Variants in NCKAP5L observed in about 807,000 individuals in gnomAD.
The protein encoded by NCKAP5L is nck-associated protein 5-like.
Under a neutral mutation model 103.2 loss-of-function variants are expected in NCKAP5L, and 54 were observed. That is an observed-to-expected ratio of 0.52 (90% CI 0.42 to 0.66). NCKAP5L has a LOEUF of 0.66. Ranked by LOEUF, NCKAP5L falls within the 30% of genes least tolerant of loss-of-function variation. NCKAP5L has a pLI of 0.00. For synonymous variants in NCKAP5L, 762 were observed against 748.6 expected, an observed-to-expected ratio of 1.02 and a Z score of -0.29; for missense variants, 1,733 against 1,750.6, an observed-to-expected ratio of 0.99 and a Z score of 0.18.
Position 49,794,816 on chromosome 12 carries a change from A to G in NCKAP5L, c.3044T>C (p.Leu1015Pro). 5 of 1,545,130 alleles carry G rather than the reference A, an allele frequency of 3.2e-6. No individual in the cohort carries two copies. Among genetic ancestry groups the G allele is most frequent in the Non-Finnish European group, 4.4e-6 (5 of 1,145,494 alleles). ...NTGLGQVQGQ[L>P]AGMYQGADTF... is the part of the protein sequence containing the mutation. ...GTCTGCACCTTGGTACATGCCAGCC[A>G]GCTGGCCCTGCACCTGCCCCAGCCC... The change falls in exon 8 of 13, where the codon CTG (leucine) becomes CCG (proline). Residue 1015 changes from leucine (L) to proline (P), a missense_variant. Transcript: ENST00000335999.
chr12:49,814,213 G>A (rs1443980649), intron 1 of NCKAP5L, among the ~76,000 whole-genome samples: 1 of 149,370 alleles, frequency 6.7e-6, no homozygotes, highest in Non-Finnish European at 1.5e-5. Flanking sequence ...AGCCGGGTGT[G>A]GTGGCTCAAG....
intron 2 of NCKAP5L, 124 bp downstream of exon 2, chr12:49,805,856 A>T (rs1946173281): frequency 6.6e-6 from 1 of 152,252 alleles, no homozygotes; most frequent in South Asian, 2.1e-4. Flanking sequence ...TTTGGACTAT[A>T]GGAGAGAGGT....
At chr12:49,826,208 C>T (rs914024024) in intron 1 of NCKAP5L, among the ~76,000 whole-genome samples, 1 of 151,992 alleles carries the variant, frequency 6.6e-6, no homozygotes, top group East Asian at 1.9e-4. Context: ...TATAAGAGGG[C>T]GGGTGGGTGA....
Position 49,795,393 on chromosome 12 carries a change from G to T in NCKAP5L, c.2467C>A (p.Pro823Thr). Residue 823 changes from proline to threonine, a missense_variant, in exon 8 of 13, where the codon CCA (proline) becomes ACA (threonine). Physicochemically the swap from Pro to Thr is conservative, Grantham distance 38. Transcript: ENST00000335999. ...SSPTKLPSKS[P>T]TKVVPRPGAP... ...CCAGGTCGAGGCACCACCTTGGTTG[G>T]TGACTTGGAAGGGAGCTTGGTGGGG... The T allele has an allele frequency of 6.3e-7, 1 of 1,575,800 alleles. No homozygotes were observed. The highest frequency in any genetic ancestry group is 1.4e-5 in the African/African-American group (1 of 73,508).
At chr12:49,799,498 G>C (rs2098000135) in intron 6 of NCKAP5L, among the ~76,000 whole-genome samples, 1 of 150,980 alleles carries the variant, frequency 6.6e-6, no homozygotes, top group Admixed American at 6.6e-5. Context: ...TTTTTTTTTT[G>C]TACAGATGGT....
At chr12:49,799,435 G>A (rs879714743) in intron 6 of NCKAP5L, among the ~76,000 whole-genome samples, 8 of 151,258 alleles carry the variant, frequency 5.3e-5, no homozygotes, top group Non-Finnish European at 7.4e-5. Context: ...TCAGCCTCCC[G>A]AGTAGCTAGG....
Position 49,791,966 on chromosome 12 carries a change from G to C in NCKAP5L, c.3878C>G (p.Thr1293Ser). The C allele has an allele frequency of 6.2e-7, 1 of 1,610,848 alleles. No individual in the cohort carries two copies. Among genetic ancestry groups the C allele is most frequent in the South Asian group, 1.1e-5 (1 of 90,756 alleles). ...PQGPPFGGSR[T>S]PSTSDMAEEG... Reference sequence around the variant, plus strand: ...CTCGGCCATGTCCGAAGTGCTGGGGGTGCGGCTACCCCCGAAAGGTGGGCC... The same window carrying C: ...CTCGGCCATGTCCGAAGTGCTGGGGCTGCGGCTACCCCCGAAAGGTGGGCC... The change falls in exon 13 of 13, where the codon ACC becomes AGC. Residue 1293 changes from threonine (T) to serine (S), a missense_variant. Coordinates refer to ENST00000335999, the MANE Select transcript of NCKAP5L (RefSeq NM_001037806.4).
chr12:49,795,353 G>GGCT lies in NCKAP5L; in HGVS notation c.2506_2507insAGC (p.Thr836delinsLysPro), dbSNP rs1946017913. 7.8e-6 allele frequency: 12 copies of GGCT among 1,543,036 alleles called. No individual in the cohort carries two copies. Among genetic ancestry groups the GGCT allele is most frequent in the African/African-American group, 1.4e-5 (1 of 72,218 alleles). On this transcript the variant is annotated protein_altering_variant, in exon 8 of 13. Transcript: ENST00000335999. ...TTTGTCAGGCTTGGGGGACTCCTTGGTGACTAGCGGAGCCCCAGGTCGAGG... is the reference window on the plus strand; with the variant it reads ...TTTGTCAGGCTTGGGGGACTCCTTGGGCTTGACTAGCGGAGCCCCAGGTCGAGG...
intron 1 of NCKAP5L, among the ~76,000 whole-genome samples, chr12:49,812,435 G>C (rs917283297): frequency 6.6e-6 from 1 of 151,518 alleles, no homozygotes; most frequent in Non-Finnish European, 1.5e-5. Flanking sequence ...CCAGGCTGGA[G>C]TGCAGTGGCG....
chr12:49,803,136 G>A lies in NCKAP5L; in HGVS notation c.153C>T (p.Asn51=), dbSNP rs375380248. Residue 51 remains asparagine, a synonymous_variant, in exon 4 of 13, where the codon AAC becomes AAT. Transcript: ENST00000335999. ...EAENSALAQA[N]ENQRETYERC... ...GCTCATAAGTCTCCCGCTGGTTTTC[G>A]TTGGCCTGGGCAAGTGCCGAGTTCT... The A allele has an allele frequency of 9.9e-6, 16 of 1,614,246 alleles. No homozygotes were observed. Among genetic ancestry groups the A allele is most frequent in the African/African-American group, 8.0e-5 (6 of 75,062 alleles).
intron 1 of NCKAP5L, among the ~76,000 whole-genome samples, chr12:49,820,710 C>T (rs1376456122): frequency 1.3e-5 from 2 of 152,176 alleles, no homozygotes; most frequent in Non-Finnish European, 2.9e-5. Context: ...CTAGTGGGCA[C>T]CATCCAGCCA....
chr12:49,792,556 C>T lies in NCKAP5L; in HGVS notation c.3682G>A (p.Val1228Ile). 1 of 1,613,826 alleles carries T rather than the reference C, an allele frequency of 6.2e-7. No homozygotes were observed. Among genetic ancestry groups the T allele is most frequent in the Non-Finnish European group, 8.5e-7 (1 of 1,179,826 alleles). ...PCEDPGPTPP[V>I]QLAKNWTFPN... The stretch of plus-strand genomic sequence containing the variant: ...AAGGTCCAGTTCTTGGCCAGCTGGA[C>T]AGGAGGGGTGGGGCCTGGGTCTTCA... The change falls in exon 12 of 13, where the codon GTC becomes ATC. Residue 1228 changes from valine (V) to isoleucine (I), a missense_variant. By Grantham distance (29) the Val-to-Ile change is conservative. Coordinates refer to ENST00000335999, the MANE Select transcript of NCKAP5L (RefSeq NM_001037806.4). The surrounding 1 kb of genome is among the most constrained non-coding windows in gnomAD (Gnocchi z 4.5).
Position 49,795,284 on chromosome 12 carries a change from T to C in NCKAP5L, c.2576A>G (p.Gln859Arg). Residue 859 changes from glutamine (Q) to arginine (R), a missense_variant, in exon 8 of 13, where the codon CAG (glutamine) becomes CGG (arginine). Gln to Arg is a conservative substitution (Grantham distance 43, BLOSUM62 1). Coordinates refer to ENST00000335999, the MANE Select transcript of NCKAP5L (RefSeq NM_001037806.4). ...PWADCGSTTA[Q>R]STPLVPGPTD... ...GGGGCCAGGTACTAGGGGTGTGGACTGGGCCGTGGTACTACCACAGTCTGC... is the reference window on the plus strand; with the variant it reads ...GGGGCCAGGTACTAGGGGTGTGGACCGGGCCGTGGTACTACCACAGTCTGC... The C allele has an allele frequency of 6.5e-7, 1 of 1,531,158 alleles. No individual in the cohort carries two copies. Among genetic ancestry groups the C allele is most frequent in the Non-Finnish European group, 8.8e-7 (1 of 1,141,312 alleles). 94.8% of individuals were successfully genotyped at this position (1,531,158 alleles called of 1,614,324 possible).
intron 1 of NCKAP5L, among the ~76,000 whole-genome samples, chr12:49,820,843 T>C (rs1475543377): frequency 6.6e-6 from 1 of 152,148 alleles, no homozygotes; most frequent in East Asian, 1.9e-4. Context: ...AGTCAGGCTT[T>C]TGGGATTCTG....
At chr12:49,824,529 C>T (rs1946395250) in intron 1 of NCKAP5L, among the ~76,000 whole-genome samples, 1 of 152,116 alleles carries the variant, frequency 6.6e-6, no homozygotes, top group African/African-American at 2.4e-5. Context: ...AGAGGAGGTC[C>T]AGTTGGCGTC....
chr12:49,807,136 C>G (rs949310186), intron 1 of NCKAP5L, among the ~76,000 whole-genome samples: 1 of 152,226 alleles, frequency 6.6e-6, no homozygotes, highest in Non-Finnish European at 1.5e-5. Context: ...CCAGCCGGCC[C>G]TCCAGCCCCA....
rs778039557 is a variant in NCKAP5L, at chr12:49,792,074, G to C, written c.3793-23C>G. On this transcript the variant is annotated intron_variant, in intron 12 of 12. Coordinates refer to ENST00000335999, the MANE Select transcript of NCKAP5L (RefSeq NM_001037806.4). The surrounding 1 kb of genome is among the most constrained non-coding windows in gnomAD (Gnocchi z 4.5). ...GGCCTGGGAAAGGAGGGGCAGCTCG[G>C]GAGGAAGCTCCTCTCCACCTTTCGG... 1.3e-6 allele frequency: 2 copies of C among 1,501,694 alleles called. No homozygotes were observed. The highest frequency in any genetic ancestry group is 1.8e-6 in the Non-Finnish European group (2 of 1,130,062). The allele number at this position is 1,501,694 out of a possible 1,614,324, so 93.0% of individuals were successfully genotyped here. A position where few individuals can be genotyped will look rare whatever the true frequency, so the allele number is the denominator to read the frequency against.
Position 49,814,771 on chromosome 12 carries a change from C to T in NCKAP5L, c.-98-8730G>A, listed in dbSNP as rs560376666. ...CTATAGCCTTTATATGGATCTTATC[C>T]GTTTTTCTATCAATATTCTGTTCCA... On this transcript the variant is annotated intron_variant, in intron 1 of 12. Coordinates refer to ENST00000335999, the MANE Select transcript of NCKAP5L (RefSeq NM_001037806.4). Among the ~76,000 whole-genome samples, 4 of 152,256 alleles carry T rather than the reference C, an allele frequency of 2.6e-5. No individual in the cohort carries two copies. The East Asian group carries it at 5.8e-4, about 22-fold the overall frequency.
At chr12:49,820,946 CCTCTGA>C (rs1255368886) in intron 1 of NCKAP5L, among the ~76,000 whole-genome samples, 1 of 152,152 alleles carries the variant, frequency 6.6e-6, no homozygotes, top group African/African-American at 2.4e-5. Context: ...GGGGGTGAGC[CCTCTGA>C]CTCTGACTCC....
Sources: allele counts gnomAD v4.1 joint callset (sites outside exome capture counted in the v4.1 genomes callset), GRCh38; gene constraint gnomAD v4.1.1; non-coding constraint Gnocchi (gnomAD v3.1); transcripts MANE v1.5; gene names NCBI Gene and HGNC (gene_info 2026-07-23, HGNC 2026-07-21).